CLSTN2: variants seen among roughly 807,000 people sequenced by gnomAD.
CLSTN2 encodes calsyntenin 2, also known as calsyntenin-2.
Under a neutral mutation model 101.2 loss-of-function variants are expected in CLSTN2, and 48 were observed. That is an observed-to-expected ratio of 0.47 (90% confidence interval 0.38 to 0.60). CLSTN2 has a LOEUF of 0.60. Ranked by LOEUF, CLSTN2 falls within the 20% of genes least tolerant of loss-of-function variation. The probability of loss-of-function intolerance (pLI) is 0.00; values close to 1 mark genes in which losing one functional copy is unlikely to be tolerated. For synonymous variants in CLSTN2, 481 were observed against 463.6 expected (o/e 1.04, Z -0.48); for missense variants, 1,160 against 1,238.2 (o/e 0.94, Z 0.95).
intron 2 of CLSTN2, among the ~76,000 whole-genome samples, chr3:140,222,187 G>T (rs2086280879): frequency 6.6e-6 from 1 of 152,048 alleles, no homozygotes; most frequent in Non-Finnish European, 1.5e-5. Context: ...GGAACTGGAG[G>T]TCATTATGTT....
chr3:140,184,754 A>G (rs1485045324), intron 2 of CLSTN2, among the ~76,000 whole-genome samples: 2 of 152,190 alleles, frequency 1.3e-5, no homozygotes, highest in East Asian at 3.8e-4. Context: ...CATGTAAAAC[A>G]TGCTCATCCC....
chr3:140,465,888 T>C (rs900213248), intron 7 of CLSTN2, among the ~76,000 whole-genome samples: 9 of 152,168 alleles, frequency 5.9e-5, no homozygotes, highest in Admixed American at 5.2e-4. Flanking sequence ...TGTTCGATAA[T>C]GTAATAAGGT....
chr3:140,175,928 G>GT (rs748086095), intron 1 of CLSTN2, 23 bp from the exon 2 acceptor site: 4 of 1,595,274 alleles, frequency 2.5e-6, no homozygotes, highest in Non-Finnish European at 3.4e-6. Flanking sequence ...GATCCTTTTT[G>GT]TTTTTTCCCC....
intron 5 of CLSTN2, among the ~76,000 whole-genome samples, chr3:140,428,670 A>T (rs2088597704): frequency 6.6e-6 from 1 of 152,188 alleles, no homozygotes. Flanking sequence ...AGTTTCTCCC[A>T]CAGGCCAACT....
intron 1 of CLSTN2, among the ~76,000 whole-genome samples, chr3:140,104,714 C>T (rs1222690845): frequency 6.6e-6 from 1 of 152,212 alleles, no homozygotes; most frequent in Non-Finnish European, 1.5e-5. Context: ...TGGCTCATGC[C>T]TATTATTCCA....
At chr3:140,405,478 C>T (rs1385871794) in intron 4 of CLSTN2, among the ~76,000 whole-genome samples, 4 of 152,164 alleles carry the variant, frequency 2.6e-5, no homozygotes, top group African/African-American at 9.7e-5. Context: ...CCACCCACCT[C>T]GGCCTCCCAA....
At chr3:140,428,716 C>A (rs545317777) in intron 5 of CLSTN2, among the ~76,000 whole-genome samples, 1 of 152,168 alleles carries the variant, frequency 6.6e-6, no homozygotes, top group South Asian at 2.1e-4. Flanking sequence ...ATAAGATATC[C>A]TATTTAAAAG....
chr3:140,387,021 C>A (rs1486575593), intron 2 of CLSTN2, among the ~76,000 whole-genome samples: 3 of 152,170 alleles, frequency 2.0e-5, no homozygotes, highest in Non-Finnish European at 4.4e-5. Flanking sequence ...CTTTTCTACA[C>A]CCAACCAACT....
intron 1 of CLSTN2, among the ~76,000 whole-genome samples, chr3:140,022,734 C>A (rs1402791771): frequency 6.6e-6 from 1 of 152,116 alleles, no homozygotes; most frequent in Non-Finnish European, 1.5e-5. Context: ...TGATAGACCC[C>A]CTTGCACAAG....
chr3:140,364,038 T>C (rs372482981), intron 2 of CLSTN2, among the ~76,000 whole-genome samples: 121 of 152,336 alleles, frequency 7.9e-4, no homozygotes, highest in Middle Eastern at 3.4e-3. Flanking sequence ...TAATCATCAG[T>C]AGGTGTTACT....
At chr3:140,408,385 G>A (rs531381476) in intron 4 of CLSTN2, among the ~76,000 whole-genome samples, 1 of 152,256 alleles carries the variant, frequency 6.6e-6, no homozygotes, top group South Asian at 2.1e-4. Context: ...GGGGCTATCA[G>A]TATCAGCCAT....
intron 4 of CLSTN2, among the ~76,000 whole-genome samples, chr3:140,408,089 C>T (rs556376659): frequency 1.3e-5 from 2 of 152,076 alleles, no homozygotes; most frequent in South Asian, 4.2e-4. Flanking sequence ...TACAGCAACA[C>T]AGTATAAGAA....
intron 6 of CLSTN2, among the ~76,000 whole-genome samples, chr3:140,448,913 T>A (rs1182764123): frequency 1.3e-5 from 2 of 152,178 alleles, no homozygotes; most frequent in African/African-American, 4.8e-5. Flanking sequence ...CTCCATTTAT[T>A]AGTTATGTGG....
chr3:140,240,199 T>TAC (rs869258607), intron 2 of CLSTN2, among the ~76,000 whole-genome samples: 44 of 15,446 alleles, frequency 2.8e-3, no homozygotes, highest in African/African-American at 5.4e-3. Flanking sequence ...TATATATATA[T>TAC]ACACACACAC....
At chr3:140,283,304 T>C (rs972249773) in intron 2 of CLSTN2, among the ~76,000 whole-genome samples, 19 of 152,166 alleles carry the variant, frequency 1.2e-4, no homozygotes, top group African/African-American at 4.6e-4. Flanking sequence ...ATTTATTATT[T>C]CCATATATAC....
At chr3:140,406,203 T>C (rs977004702) in intron 4 of CLSTN2, among the ~76,000 whole-genome samples, 6 of 152,188 alleles carry the variant, frequency 3.9e-5, no homozygotes, top group African/African-American at 1.4e-4. Context: ...CACTTCATGA[T>C]GTTGAGACCA....
At chr3:140,194,597 G>A (rs2010618654) in intron 2 of CLSTN2, among the ~76,000 whole-genome samples, 1 of 152,118 alleles carries the variant, frequency 6.6e-6, no homozygotes, top group African/African-American at 2.4e-5. Context: ...GGGCAATTTT[G>A]TGTTATGCTC....
chr3:140,254,910 C>A (rs968005117), intron 2 of CLSTN2, among the ~76,000 whole-genome samples: 3 of 152,100 alleles, frequency 2.0e-5, no homozygotes, highest in African/African-American at 7.2e-5. Context: ...AACTATGCAT[C>A]CAACAAAGGT....
chr3:140,514,315 C>T (rs1251249161), intron 8 of CLSTN2, among the ~76,000 whole-genome samples: 4 of 152,046 alleles, frequency 2.6e-5, no homozygotes, highest in Non-Finnish European at 5.9e-5. Flanking sequence ...CATTCTTATG[C>T]CTTTGCATCC....
Sources: allele counts gnomAD v4.1 joint callset (sites outside exome capture counted in the v4.1 genomes callset), GRCh38; gene constraint gnomAD v4.1.1; transcripts MANE v1.5; gene names NCBI Gene and HGNC (gene_info 2026-07-23, HGNC 2026-07-21).